EBF1: variants seen among roughly 807,000 people sequenced by gnomAD.
EBF1 encodes EBF transcription factor 1.
Under a neutral mutation model 68.4 loss-of-function variants are expected in EBF1, and 10 were observed. That is an observed-to-expected ratio of 0.15 (90% CI 0.09 to 0.25). The LOEUF (loss-of-function observed/expected upper bound fraction) is 0.25, where lower values mean the gene tolerates loss of function less well. Among genes scored for constraint, EBF1 ranks in the 10% least tolerant of loss-of-function variants. EBF1 has a pLI of 1.00. For synonymous variants in EBF1, 298 were observed against 299.8 expected (o/e 0.99, Z 0.06); for missense variants, 509 against 794.4 (o/e 0.64, Z 4.32).
chr5:158,761,863 T>A (rs752074881), intron 10 of EBF1, among the ~76,000 whole-genome samples: 1 of 152,222 alleles, frequency 6.6e-6, no homozygotes, highest in Non-Finnish European at 1.5e-5. Flanking sequence ...TTTATAATTT[T>A]ATACGGGCTC....
chr5:159,048,864 TTCTGTTGTTC>T (rs1772974020), intron 6 of EBF1, among the ~76,000 whole-genome samples: 1 of 152,250 alleles, frequency 6.6e-6, no homozygotes, highest in Admixed American at 6.5e-5. Flanking sequence ...AACTTTTCAG[TTCTGTTGTTC>T]TCTGAGGACA....
chr5:158,932,086 G>A (rs530311448), intron 6 of EBF1, among the ~76,000 whole-genome samples: 8 of 152,266 alleles, frequency 5.3e-5, no homozygotes, highest in Non-Finnish European at 7.4e-5. Flanking sequence ...GCACACATTG[G>A]CACAGCCTCT....
intron 15 of EBF1, among the ~76,000 whole-genome samples, chr5:158,701,124 C>T (rs1479452004): frequency 6.6e-6 from 1 of 152,168 alleles, no homozygotes; most frequent in Non-Finnish European, 1.5e-5. Flanking sequence ...GTCCAGGCAC[C>T]TTTATTAAAG....
In EBF1 at chr5:158,902,017, G is replaced by C. The variant is rs538930774; in HGVS notation, c.555-61907C>G. Among the ~76,000 whole-genome samples, 8 of 152,294 alleles carry C rather than the reference G, an allele frequency of 5.3e-5. No homozygotes were observed. In the East Asian group the frequency reaches 1.3e-3, roughly 26 times the overall value. Reference sequence around the variant, plus strand: ...GAGGCAGGAGAATCACTTGAACCAGGGGGGCGGAGGTTGCAGTGAGCCAAG... The same window carrying C: ...GAGGCAGGAGAATCACTTGAACCAGCGGGGCGGAGGTTGCAGTGAGCCAAG... On this transcript the variant is annotated intron_variant, in intron 6 of 15. Coordinates refer to ENST00000313708, the MANE Select transcript of EBF1 (RefSeq NM_024007.5).
At chr5:159,046,169 A>G (rs781407001) in intron 6 of EBF1, among the ~76,000 whole-genome samples, 1 of 152,166 alleles carries the variant, frequency 6.6e-6, no homozygotes, top group Non-Finnish European at 1.5e-5. Context: ...CAATTCCGAT[A>G]CAGGTGCCCC....
At chr5:159,050,915 T>C (rs1773486724) in intron 6 of EBF1, among the ~76,000 whole-genome samples, 1 of 152,194 alleles carries the variant, frequency 6.6e-6, no homozygotes, top group Non-Finnish European at 1.5e-5. Context: ...ACATAATTGG[T>C]AGCCAATTTT....
intron 6 of EBF1, among the ~76,000 whole-genome samples, chr5:158,943,157 T>C (rs1813844650): frequency 6.6e-6 from 1 of 152,100 alleles, no homozygotes; most frequent in South Asian, 2.1e-4. Flanking sequence ...ATCTGACGAA[T>C]TGAATCTTCT....
intron 10 of EBF1, among the ~76,000 whole-genome samples, chr5:158,745,746 T>C (rs998569387): frequency 6.6e-6 from 1 of 152,360 alleles, no homozygotes; most frequent in South Asian, 2.1e-4. Flanking sequence ...GTGGGGGTTC[T>C]AATTGGAATA....
intron 4 of EBF1, 99 bp from the exon 5 acceptor site, chr5:159,084,838 G>A: frequency 2.0e-6 from 2 of 1,009,784 alleles, no homozygotes; most frequent in Admixed American, 3.1e-5. Flanking sequence ...CACTACTGAA[G>A]GCCAAATTAG....
intron 6 of EBF1, among the ~76,000 whole-genome samples, chr5:158,858,000 G>A (rs1582633216): frequency 1.3e-5 from 2 of 152,174 alleles, no homozygotes; most frequent in East Asian, 3.9e-4. Flanking sequence ...GCAGAAATGT[G>A]TTAAAACTTT....
rs369195242 is a variant in EBF1, at chr5:159,099,269, GCTGCC to G, written c.134+71_134+75del. 353 of 1,091,712 alleles carry G rather than the reference GCTGCC, an allele frequency of 3.2e-4. 1 individual carries two copies. In the African/African-American group the frequency reaches 0.012, roughly 36 times the overall value. 67.6% of individuals were successfully genotyped at this position (1,091,712 alleles called of 1,614,324 possible). A position where few individuals can be genotyped will look rare whatever the true frequency, so the allele number is the denominator to read the frequency against. On this transcript the variant is annotated intron_variant, in intron 1 of 15. Coordinates refer to ENST00000313708, the MANE Select transcript of EBF1 (RefSeq NM_024007.5). Reference sequence around the variant, plus strand: ...GCCCGGCCCCGCGGCAGCAGCTGCCGCTGCCGCTGCCGCCTCCGCCTCCCGGCTCT... The same window carrying G: ...GCCCGGCCCCGCGGCAGCAGCTGCCGGCTGCCGCCTCCGCCTCCCGGCTCT...
chr5:158,848,632 T>C (rs1194964201), intron 6 of EBF1, among the ~76,000 whole-genome samples: 1 of 152,220 alleles, frequency 6.6e-6, no homozygotes, highest in Admixed American at 6.5e-5. Flanking sequence ...TTATACTATA[T>C]GTAATTATGA....
chr5:158,711,232 T>C (rs1318559553), intron 14 of EBF1, among the ~76,000 whole-genome samples: 1 of 152,174 alleles, frequency 6.6e-6, no homozygotes, highest in Admixed American at 6.5e-5. Flanking sequence ...AAAGGAGTCA[T>C]ATGTGTGTTC....
At chr5:158,888,268 G>A (rs920531449) in intron 6 of EBF1, among the ~76,000 whole-genome samples, 6 of 151,986 alleles carry the variant, frequency 3.9e-5, no homozygotes, top group African/African-American at 1.2e-4. Flanking sequence ...GTGTGTGTGT[G>A]TGCGTGCGTG....
intron 6 of EBF1, among the ~76,000 whole-genome samples, chr5:158,845,159 G>C (rs1791205220): frequency 6.6e-6 from 1 of 152,150 alleles, no homozygotes; most frequent in South Asian, 2.1e-4. Context: ...ATGGAGTCTA[G>C]GGTCTGCAAG....
intron 10 of EBF1, among the ~76,000 whole-genome samples, chr5:158,746,497 C>G (rs1767594054): frequency 6.6e-6 from 1 of 152,156 alleles, no homozygotes; most frequent in Admixed American, 6.5e-5. Context: ...GAAATGCCAT[C>G]TAGCGTTACC....
intron 6 of EBF1, among the ~76,000 whole-genome samples, chr5:158,909,160 AGAAATGTGAGATGT>A (rs1300002320): frequency 6.6e-6 from 1 of 152,138 alleles, no homozygotes; most frequent in Non-Finnish European, 1.5e-5. Context: ...AAGAAAGAAC[AGAAATGTGAGATGT>A]GAAATGCACG....
At chr5:158,952,952 T>C (rs1256407259) in intron 6 of EBF1, among the ~76,000 whole-genome samples, 2 of 152,202 alleles carry the variant, frequency 1.3e-5, no homozygotes, top group East Asian at 1.9e-4. Context: ...TTTTAGATAT[T>C]TGGTTACCAC....
At chr5:158,755,493 A>G (rs1186558584) in intron 10 of EBF1, among the ~76,000 whole-genome samples, 1 of 152,208 alleles carries the variant, frequency 6.6e-6, no homozygotes, top group Non-Finnish European at 1.5e-5. Context: ...CTTTGCACAT[A>G]GTTGACATTC....
Sources: allele counts gnomAD v4.1 joint callset (sites outside exome capture counted in the v4.1 genomes callset), GRCh38; gene constraint gnomAD v4.1.1; transcripts MANE v1.5; gene names NCBI Gene and HGNC (gene_info 2026-07-23, HGNC 2026-07-21).